The following HAUS2 variants were observed in gnomAD, a reference collection of about 807,000 sequenced individuals.
HAUS2 encodes the protein HAUS augmin like complex subunit 2, also known as HAUS augmin-like complex subunit 2.
In HAUS2, 20 loss-of-function variants were observed where a neutral mutation model predicts 21.6. The ratio of observed to expected loss-of-function variants is 0.93; its 90% confidence interval spans 0.65 to 1.35. The LOEUF (loss-of-function observed/expected upper bound fraction) is 1.35, where lower values mean the gene tolerates loss of function less well. Among genes scored for constraint, HAUS2 ranks in the 40% most tolerant of loss-of-function variants. The pLI, the probability that HAUS2 is intolerant of heterozygous loss-of-function variation, is 0.00. For missense variants in HAUS2, 297 were observed against 280.7 expected (o/e 1.06, Z -0.42); for synonymous variants, 113 against 95.6 (o/e 1.18, Z -1.06).
At chr15:42,554,086 T>A (rs2057749773) in intron 1 of HAUS2, among the ~76,000 whole-genome samples, 2 of 152,196 alleles carry the variant, frequency 1.3e-5, no homozygotes, top group Non-Finnish European at 2.9e-5. Flanking sequence ...CCTTACCATA[T>A]CAACTAAGAT....
Position 42,551,261 on chromosome 15 carries a change from C to T in HAUS2, c.93+2296C>T, listed in dbSNP as rs545156554. ...TCTCGGCCTCCCAAAGTACTGGGAG[C>T]TGAACCCAGCCTTTTTCTTCTTATC... On this transcript the variant is annotated intron_variant, in intron 1 of 5. Transcript: ENST00000260372. 2.6e-5 allele frequency among the ~76,000 whole-genome samples: 4 copies of T among 152,098 alleles called. No homozygotes were observed. The South Asian group carries it at 8.3e-4, about 32-fold the overall frequency.
At chr15:42,561,210 G>T in intron 3 of HAUS2, 60 bp from the exon 4 acceptor site, 1 of 1,081,466 alleles carries the variant, frequency 9.2e-7, no homozygotes, top group Non-Finnish European at 1.4e-6. Flanking sequence ...AGGCAAAGAA[G>T]AAATTATTCT....
chr15:42,548,910 C>A lies in HAUS2; in HGVS notation c.38C>A (p.Pro13His). Residue 13 changes from proline (P) to histidine (H), a missense_variant, in exon 1 of 6, where the codon CCT (proline) becomes CAT (histidine). Coordinates refer to ENST00000260372, the MANE Select transcript of HAUS2 (RefSeq NM_018097.3). ...AACCCGTGGGACCCGGCGTCCGCGCCTAACGGCGCTGGGCTAGTGCTAGGC... is the reference window on the plus strand; with the variant it reads ...AACCCGTGGGACCCGGCGTCCGCGCATAACGGCGCTGGGCTAGTGCTAGGC... ...AANPWDPASAPNGAGLVLGHF... is the reference protein window; with the variant it reads ...AANPWDPASAHNGAGLVLGHF... 1 of 1,551,426 alleles carries A rather than the reference C, an allele frequency of 6.4e-7. No homozygotes were observed. Among genetic ancestry groups the A allele is most frequent in the Non-Finnish European group, 8.7e-7 (1 of 1,147,030 alleles).
At chr15:42,561,947 T>C (rs2057857551) in intron 4 of HAUS2, among the ~76,000 whole-genome samples, 1 of 152,036 alleles carries the variant, frequency 6.6e-6, no homozygotes, top group Non-Finnish European at 1.5e-5. Context: ...AAGTATCAAA[T>C]TGAAGATGTA....
At chr15:42,558,314 C>CTTTTTTTTTT (rs547363768) in intron 2 of HAUS2, 24 bp downstream of exon 2, 9 of 375,874 alleles carry the variant, frequency 2.4e-5, no homozygotes, top group East Asian at 7.6e-5. Context: ...TTTTCACTTT[C>CTTTTTTTTTT]TTTTTTTTTT....
chr15:42,557,821 A>G (rs2057803321), intron 1 of HAUS2, among the ~76,000 whole-genome samples: 1 of 152,048 alleles, frequency 6.6e-6, no homozygotes, highest in Non-Finnish European at 1.5e-5. Flanking sequence ...TTTGATTTCA[A>G]CCCCGGAAGC....
chr15:42,551,314 G>A (rs917137353), intron 1 of HAUS2, among the ~76,000 whole-genome samples: 7 of 151,872 alleles, frequency 4.6e-5, no homozygotes, highest in Admixed American at 6.6e-5. Context: ...CACTTGTATT[G>A]TCCAGTTCTC....
Position 42,568,009 on chromosome 15 carries a change from C to CT in HAUS2, c.*1194dup, listed in dbSNP as rs2057922705. The CT allele has an allele frequency of 1.2e-5, 1 of 86,192 alleles. No homozygotes were observed. The highest frequency in any genetic ancestry group is 3.9e-5 in the African/African-American group (1 of 25,694). 5.3% of individuals were successfully genotyped at this position (86,192 alleles called of 1,614,324 possible). On this transcript the variant is annotated 3_prime_UTR_variant, in exon 6 of 6. Transcript: ENST00000260372. ...CTAGCCTGGGCAACAGAGCAAGACT[C>CT]TGTCTTAAAAAAAAAAAAAAAAGGT...
At chr15:42,560,784 A>G (rs532527768) in intron 3 of HAUS2, 1 of 701,978 alleles carries the variant, frequency 1.4e-6, no homozygotes, top group East Asian at 2.7e-5. Flanking sequence ...TTTTGTAGAG[A>G]TGAAGTCTTG....
In HAUS2 at chr15:42,561,283, T is replaced by C. The variant is rs750326074; in HGVS notation, c.270T>C (p.His90=). Residue 90 remains histidine, a synonymous_variant, in exon 4 of 6, where the codon CAT becomes CAC. Coordinates refer to ENST00000260372, the MANE Select transcript of HAUS2 (RefSeq NM_018097.3). ...VHPFFLAQKC[H]TLQSMNNHLE... The stretch of plus-strand genomic sequence containing the variant: ...TAATTTGTATAGCTCAGAAGTGTCA[T>C]ACTCTGCAAAGCATGAATAATCATT... 56 of 1,552,264 alleles carry C rather than the reference T, an allele frequency of 3.6e-5. No homozygotes were observed. The East Asian group carries it at 1.3e-3, about 35-fold the overall frequency.
In HAUS2 at chr15:42,568,799, A is replaced by G. The variant is rs1262091791; in HGVS notation, c.*1983A>G. The G allele has an allele frequency of 1.1e-4, 16 of 152,202 alleles. No individual in the cohort carries two copies. 9.4% of individuals were successfully genotyped at this position (152,202 alleles called of 1,614,324 possible). ...TTGCTGGTGGAATGAAACAACAGAT[A>G]TGTGTGACTCCACTGTTAGAGGACT... On this transcript the variant is annotated 3_prime_UTR_variant, in exon 6 of 6. Coordinates refer to ENST00000260372, the MANE Select transcript of HAUS2 (RefSeq NM_018097.3).
chr15:42,563,640 G>T, intron 4 of HAUS2, 109 bp from the exon 5 acceptor site: 1 of 705,878 alleles, frequency 1.4e-6, no homozygotes, highest in Admixed American at 2.3e-5. Flanking sequence ...GGCTCTCTAG[G>T]TTGATTGTAA....
rs926430419 is a variant in HAUS2, at chr15:42,558,243, T to C, written c.139T>C (p.Phe47Leu). 3 of 1,508,252 alleles carry C rather than the reference T, an allele frequency of 2.0e-6. No individual in the cohort carries two copies. In the African/African-American group the frequency reaches 4.1e-5, roughly 21 times the overall value. 93.4% of individuals were successfully genotyped at this position (1,508,252 alleles called of 1,614,324 possible). The stretch of plus-strand genomic sequence containing the variant: ...GAAAACAGTTTCTTGTTTTGTGAAC[T>C]TCACCAGACTACAGCAGATCACAAA... ...SKKTVSCFVN[F>L]TRLQQITNIQ... Residue 47 changes from phenylalanine to leucine, a missense_variant, in exon 2 of 6, where the codon TTC becomes CTC. By Grantham distance (22) the Phe-to-Leu change is conservative. Transcript: ENST00000260372.
rs186957049 is a variant in HAUS2 at position 42,561,265 on chromosome 15, T to C, written c.257-5T>C. 7 of 1,517,478 alleles carry C rather than the reference T, an allele frequency of 4.6e-6. No individual in the cohort carries two copies. Among genetic ancestry groups the C allele is most frequent in the Middle Eastern group, 3.4e-4 (2 of 5,864 alleles). 94.0% of individuals were successfully genotyped at this position (1,517,478 alleles called of 1,614,324 possible). A position where few individuals can be genotyped will look rare whatever the true frequency, so the allele number is the denominator to read the frequency against. ...ACTATAATTACTGTTTTTTAATTTG[T>C]ATAGCTCAGAAGTGTCATACTCTGC... is the stretch of plus-strand genomic sequence containing the variant. On this transcript the variant is annotated splice_polypyrimidine_tract_variant and splice_region_variant and intron_variant, in intron 3 of 5. Coordinates refer to ENST00000260372, the MANE Select transcript of HAUS2 (RefSeq NM_018097.3).
chr15:42,560,568 A>G (rs1304296878), intron 3 of HAUS2, among the ~76,000 whole-genome samples: 1 of 152,130 alleles, frequency 6.6e-6, no homozygotes, highest in African/African-American at 2.4e-5. Flanking sequence ...ATTGGCAGCC[A>G]TTAACTGAAT....
intron 1 of HAUS2, among the ~76,000 whole-genome samples, 165 bp from the exon 2 acceptor site, chr15:42,558,033 C>T (rs558847591): frequency 6.6e-6 from 1 of 151,708 alleles, no homozygotes; most frequent in Admixed American, 6.6e-5. Context: ...GGTGAAGGTT[C>T]TAAAACAGGA....
At chr15:42,564,844 T>A (rs1289282098) in intron 5 of HAUS2, among the ~76,000 whole-genome samples, 1 of 152,212 alleles carries the variant, frequency 6.6e-6, no homozygotes. Flanking sequence ...ATTTATTTAT[T>A]TATTTTCTGA....
At chr15:42,564,940 A>C (rs1404823709) in intron 5 of HAUS2, among the ~76,000 whole-genome samples, 1 of 152,132 alleles carries the variant, frequency 6.6e-6, no homozygotes, top group African/African-American at 2.4e-5. Context: ...GGTTCAAGCG[A>C]TTCTCCTGCC....
chr15:42,561,569 T>C, intron 4 of HAUS2, 167 bp downstream of exon 4: 1 of 524,724 alleles, frequency 1.9e-6, no homozygotes, highest in East Asian at 2.9e-5. Context: ...TTTAAACCAT[T>C]ATACCTATGG....
Sources: gnomAD v4.1 joint callset for allele counts (sites outside exome capture counted in the v4.1 genomes callset) on GRCh38, gnomAD v4.1.1 for gene constraint, MANE v1.5 for transcripts, NCBI Gene and HGNC (gene_info 2026-07-23, HGNC 2026-07-21) for gene names.